PDXDC1: variants seen among roughly 807,000 people sequenced by gnomAD.
PDXDC1 encodes the protein pyridoxal-dependent decarboxylase domain-containing protein 1.
A neutral mutation model predicts 100.1 loss-of-function variants in PDXDC1; 42 were observed. The ratio of observed to expected loss-of-function variants is 0.42; its 90% CI spans 0.33 to 0.54. The LOEUF is 0.54. PDXDC1 is among the 20% of genes least tolerant of loss of function. The pLI is 0.10. For synonymous variants in PDXDC1, 260 were observed against 371.7 expected, an observed-to-expected ratio of 0.70 and a Z score of 3.46; for missense variants, 636 against 979.2, an observed-to-expected ratio of 0.65 and a Z score of 4.68.
chr16:15,010,363 C>T (rs1386369895), intron 8 of PDXDC1: 2 of 155,892 alleles, frequency 1.3e-5, no homozygotes, highest in Admixed American at 6.5e-5. Flanking sequence ...TTTTAAATGA[C>T]ACATTTAAGC....
chr16:15,071,488 C>T (rs1315241214), intron 16 of PDXDC1, among the ~76,000 whole-genome samples: 2 of 152,178 alleles, frequency 1.3e-5, no homozygotes, highest in Admixed American at 6.5e-5. Context: ...CAACCCGGGG[C>T]CAGGCACAGT....
intron 21 of PDXDC1, among the ~76,000 whole-genome samples, chr16:15,035,216 G>T (rs140240565): frequency 1.3e-5 from 2 of 152,340 alleles, no homozygotes; most frequent in Non-Finnish European, 2.9e-5. Context: ...TGTTGGGCCT[G>T]GCTCCCTGGG....
chr16:15,131,550 G>A lies in PDXDC1; in HGVS notation c.1400-7329G>A, dbSNP rs1383429421. ...CGATCTCCTCGCCCGCCAGTGTCAG[G>A]GGCTCCTCGTTGAGCACGCGGGAGC... On this transcript the variant is annotated intron_variant, in intron 16 of 16. Coordinates refer to the PDXDC1 transcript ENST00000535621. 3.1e-6 allele frequency: 5 copies of A among 1,609,470 alleles called. No individual in the cohort carries two copies. In the East Asian group the frequency reaches 8.9e-5, roughly 29 times the overall value.
chr16:15,047,046 C>T (rs957505167), intron 16 of PDXDC1, among the ~76,000 whole-genome samples: 14 of 152,306 alleles, frequency 9.2e-5, no homozygotes, highest in African/African-American at 3.1e-4. Context: ...TCTGTCTACT[C>T]TTCACTGCTG....
At position 15,035,999 on chromosome 16, in the gene PDXDC1, G is replaced by T; in HGVS notation, c.2108-17G>T. ...TCCTCACTGAGTTTCAGCGCAGTCT[G>T]TCTGCCCTTTCTGTAGGCCAGAAGC... is the stretch of plus-strand genomic sequence containing the variant. On this transcript the variant is annotated splice_polypyrimidine_tract_variant and intron_variant, in intron 22 of 22. Transcript: ENST00000396410. The T allele has an allele frequency of 6.2e-7, 1 of 1,604,020 alleles. No individual in the cohort carries two copies. The highest frequency in any genetic ancestry group is 8.5e-7 in the Non-Finnish European group (1 of 1,174,892).
At chr16:15,067,432 A>AGAGGGTTGTTT (rs71152404) in intron 16 of PDXDC1, among the ~76,000 whole-genome samples, 2 of 64,520 alleles carry the variant, frequency 3.1e-5, no homozygotes, top group Non-Finnish European at 4.5e-5. Flanking sequence ...GTTTCATCCT[A>AGAGGGTTGTTT]GAGGATCAAA....
chr16:15,030,485 G>A (rs947486441), intron 16 of PDXDC1, among the ~76,000 whole-genome samples: 1 of 136,420 alleles, frequency 7.3e-6, no homozygotes, highest in East Asian at 2.3e-4. Context: ...GGCCGAGGTT[G>A]CAGTGAGCTG....
chr16:15,059,114 A>C (rs1004917756), intron 16 of PDXDC1, among the ~76,000 whole-genome samples: 11 of 152,200 alleles, frequency 7.2e-5, no homozygotes, highest in African/African-American at 2.7e-4. Flanking sequence ...TCGAATCACC[A>C]GGGGGCTTTA....
At chr16:14,982,857 G>T (rs1326266556) in intron 1 of PDXDC1, among the ~76,000 whole-genome samples, 15 of 152,258 alleles carry the variant, frequency 9.9e-5, no homozygotes, top group Non-Finnish European at 2.1e-4. Flanking sequence ...GGGAGGAAAA[G>T]AAATGCTTTT....
chr16:15,038,355 A>AAAGTTGG, downstream of PDXDC1: 2 of 584,006 alleles, frequency 3.4e-6, no homozygotes, highest in South Asian at 4.5e-5. Flanking sequence ...TAGTAAGAAA[A>AAAGTTGG]AAGTTGATTG....
At chr16:15,047,643 C>A in intron 16 of PDXDC1, 1 of 1,015,844 alleles carries the variant, frequency 9.8e-7, no homozygotes, top group Non-Finnish European at 1.6e-6. Context: ...ACCGCCTCAT[C>A]TTTGAATATC....
Position 15,038,012 on chromosome 16 carries a change from C to CTTTGGTAATTCATGTTTTTTA in PDXDC1, c.*1738_*1758dup. 6.3e-7 allele frequency: 1 copy of CTTTGGTAATTCATGTTTTTTA among 1,599,714 alleles called. No homozygotes were observed. On this transcript the variant is annotated 3_prime_UTR_variant, in exon 23 of 23. Transcript: ENST00000396410. ...GTCTGTCAGGCCAAGAAGGTGCTTT[C>CTTTGGTAATTCATGTTTTTTA]TTTGGTAATTCATGTTTTTTAACTT...
chr16:15,003,877 G>A (rs1449612292), intron 4 of PDXDC1, among the ~76,000 whole-genome samples: 9 of 152,238 alleles, frequency 5.9e-5, no homozygotes, highest in South Asian at 4.1e-4. Flanking sequence ...CCAGCTACTC[G>A]GGAGGCTGAG....
chr16:15,133,316 T>G, intron 16 of PDXDC1: 1 of 1,553,416 alleles, frequency 6.4e-7, no homozygotes, highest in Non-Finnish European at 8.7e-7. Context: ...GTGCTGGGGA[T>G]CGGCCTGCCG....
intron 1 of PDXDC1, among the ~76,000 whole-genome samples, chr16:14,982,787 G>A (rs1044810953): frequency 2.0e-5 from 3 of 152,260 alleles, no homozygotes; most frequent in African/African-American, 7.2e-5. Flanking sequence ...ATAGACGTGT[G>A]TGGTGTTTGG....
At chr16:15,131,415 G>A (rs2048052055) in intron 16 of PDXDC1, 2 of 1,607,906 alleles carry the variant, frequency 1.2e-6, no homozygotes, top group Non-Finnish European at 1.7e-6. Context: ...CGTCACTGAG[G>A]TTAGCCGGGG....
chr16:15,147,056 G>A, the PDXDC1 span, among the ~76,000 whole-genome samples: 5 of 151,616 alleles, frequency 3.3e-5, no homozygotes, highest in Non-Finnish European at 7.4e-5. Flanking sequence ...CTACAGGGAA[G>A]GGACACAGCA....
chr16:15,140,447 CAAAAA>C (rs888007915), downstream of PDXDC1, among the ~76,000 whole-genome samples: 1 of 39,070 alleles, frequency 2.6e-5, no homozygotes, highest in South Asian at 8.4e-4. Flanking sequence ...AGCTCCATCT[CAAAAA>C]AAAAAAAAAA....
At chr16:15,028,139 C>T (rs184886636) in intron 14 of PDXDC1, among the ~76,000 whole-genome samples, 23 of 152,402 alleles carry the variant, frequency 1.5e-4, no homozygotes, top group African/African-American at 5.5e-4. Context: ...TGCCTTCCCC[C>T]CTTCCACTCT....
Sources: gnomAD v4.1 joint callset for allele counts (sites outside exome capture counted in the v4.1 genomes callset) on GRCh38, gnomAD v4.1.1 for gene constraint, MANE v1.5 for transcripts, NCBI Gene and HGNC (gene_info 2026-07-23, HGNC 2026-07-21) for gene names.